SCHIP1: variants seen among roughly 807,000 people sequenced by gnomAD.
SCHIP1 encodes the protein schwannomin-interacting protein 1.
SCHIP1 carries 8 observed loss-of-function variants against 29.7 expected under a neutral mutation model. That is an observed-to-expected ratio of 0.27 (90% CI 0.16 to 0.49). The LOEUF (loss-of-function observed/expected upper bound fraction) is 0.49, where lower values mean the gene tolerates loss of function less well. Among genes scored for constraint, SCHIP1 ranks in the 20% least tolerant of loss-of-function variants. The pLI is 0.99. For synonymous variants in SCHIP1, 76 were observed against 94.9 expected (o/e 0.80, Z 1.16); for missense variants, 193 against 294.6 (o/e 0.66, Z 2.52).
chr3:159,385,123 A>G, the SCHIP1 span, among the ~76,000 whole-genome samples: 1 of 152,234 alleles, frequency 6.6e-6, no homozygotes, highest in Non-Finnish European at 1.5e-5. Context: ...ACAAGTGAAC[A>G]TAAGTATTGA....
the SCHIP1 span, among the ~76,000 whole-genome samples, chr3:159,390,151 A>G: frequency 1.3e-5 from 2 of 152,028 alleles, no homozygotes; most frequent in Admixed American, 6.6e-5. Context: ...TTAATTTATG[A>G]ATTTAGAACA....
chr3:159,489,916 T>C, the SCHIP1 span, among the ~76,000 whole-genome samples: 1 of 152,102 alleles, frequency 6.6e-6, no homozygotes, highest in African/African-American at 2.4e-5. Context: ...TATGTAATTT[T>C]GTAGAAAGGA....
chr3:159,872,865 G>A (rs1715422952), intron 2 of SCHIP1, among the ~76,000 whole-genome samples: 1 of 152,132 alleles, frequency 6.6e-6, no homozygotes, highest in African/African-American at 2.4e-5. Flanking sequence ...ATTTGTTTCT[G>A]CTGCATCACT....
the SCHIP1 span, among the ~76,000 whole-genome samples, chr3:159,740,776 A>AAAAAAAAAAAAAAAAAAAAAC: frequency 6.7e-6 from 1 of 149,080 alleles, no homozygotes; most frequent in African/African-American, 2.4e-5. Context: ...AAAAAGAAAA[A>AAAAAAAAAAAAAAAAAAAAAC]AAAAAAAAAA....
At chr3:159,679,790 G>C in the SCHIP1 span, among the ~76,000 whole-genome samples, 1 of 151,992 alleles carries the variant, frequency 6.6e-6, no homozygotes, top group Admixed American at 6.6e-5. Flanking sequence ...GCAGTACTGT[G>C]CTCACCATCC....
At chr3:159,640,688 G>A in the SCHIP1 span, among the ~76,000 whole-genome samples, 15 of 152,238 alleles carry the variant, frequency 9.9e-5, no homozygotes, top group African/African-American at 2.6e-4. Context: ...AAGGCACAGC[G>A]TCACAATCAG....
the SCHIP1 span, among the ~76,000 whole-genome samples, chr3:159,372,576 A>T: frequency 6.6e-6 from 1 of 152,048 alleles, no homozygotes; most frequent in Non-Finnish European, 1.5e-5. Context: ...CTTTGAAATC[A>T]ATTGCATTTT....
chr3:159,645,633 T>C, the SCHIP1 span, among the ~76,000 whole-genome samples: 1 of 152,052 alleles, frequency 6.6e-6, no homozygotes, highest in Non-Finnish European at 1.5e-5. Flanking sequence ...GTGCAGGGTA[T>C]CCTAAAGGCC....
exon 1 of SCHIP1, chr3:159,839,880 A>G: frequency 7.2e-7 from 1 of 1,388,392 alleles, no homozygotes; most frequent in East Asian, 2.7e-5. Context: ...TGCCTATAAT[A>G]TAATTGGCTG....
the SCHIP1 span, among the ~76,000 whole-genome samples, chr3:159,795,173 G>A: frequency 6.6e-6 from 1 of 152,092 alleles, no homozygotes; most frequent in Non-Finnish European, 1.5e-5. Context: ...TGCTAAACAC[G>A]GTCTGCTAAA....
At chr3:159,317,724 CT>C in the SCHIP1 span, among the ~76,000 whole-genome samples, 2 of 152,234 alleles carry the variant, frequency 1.3e-5, no homozygotes, top group African/African-American at 4.8e-5. Context: ...ACTTCTTTAG[CT>C]GTAGAGTGAG....
At chr3:159,548,449 T>C in the SCHIP1 span, among the ~76,000 whole-genome samples, 1 of 151,952 alleles carries the variant, frequency 6.6e-6, no homozygotes, top group South Asian at 2.1e-4. Flanking sequence ...AACTACTTTC[T>C]TGGTCATATC....
chr3:159,372,730 A>G, the SCHIP1 span, among the ~76,000 whole-genome samples: 1 of 152,088 alleles, frequency 6.6e-6, no homozygotes, highest in South Asian at 2.1e-4. Context: ...GTATTGGGAA[A>G]AATCAAAAGA....
At chr3:159,552,341 C>T in the SCHIP1 span, among the ~76,000 whole-genome samples, 97 of 152,210 alleles carry the variant, frequency 6.4e-4, 1 homozygote, top group East Asian at 7.5e-3. Context: ...CCACTGCACC[C>T]GGCCCACATT....
the SCHIP1 span, among the ~76,000 whole-genome samples, chr3:159,618,397 C>T: frequency 6.6e-6 from 1 of 152,158 alleles, no homozygotes; most frequent in African/African-American, 2.4e-5. Context: ...GCATGAACAA[C>T]GATGAACACA....
At chr3:159,579,123 A>G in the SCHIP1 span, among the ~76,000 whole-genome samples, 1 of 152,204 alleles carries the variant, frequency 6.6e-6, no homozygotes, top group Non-Finnish European at 1.5e-5. Flanking sequence ...TGAGTATCGC[A>G]ATGCAAATAC....
At chr3:159,608,980 C>T in the SCHIP1 span, among the ~76,000 whole-genome samples, 2 of 152,182 alleles carry the variant, frequency 1.3e-5, no homozygotes, top group Non-Finnish European at 2.9e-5. Context: ...AAACTCCATC[C>T]ATTCATCATA....
At chr3:159,322,930 CT>C in the SCHIP1 span, among the ~76,000 whole-genome samples, 15 of 152,224 alleles carry the variant, frequency 9.9e-5, no homozygotes, top group Non-Finnish European at 2.1e-4. Context: ...CCAGAGATTT[CT>C]GTCCGTGACT....
At chr3:159,280,705 A>G in the SCHIP1 span, among the ~76,000 whole-genome samples, 3 of 152,222 alleles carry the variant, frequency 2.0e-5, no homozygotes, top group South Asian at 4.1e-4. Flanking sequence ...TCAATTCAAC[A>G]TTAGCTTTGA....
Sources: allele counts gnomAD v4.1 joint callset (sites outside exome capture counted in the v4.1 genomes callset), GRCh38; gene constraint gnomAD v4.1.1; transcripts MANE v1.5; gene names NCBI Gene and HGNC (gene_info 2026-07-23, HGNC 2026-07-21).